The following DNAJC1 variants were observed in gnomAD, a reference collection of about 807,000 sequenced individuals.
DNAJC1 encodes dnaJ homolog subfamily C member 1.
A neutral mutation model predicts 76.6 loss-of-function variants in DNAJC1; 58 were observed. That is an observed-to-expected ratio of 0.76 (90% CI 0.61 to 0.94). The LOEUF is 0.94. DNAJC1 is among the 40% of genes least tolerant of loss of function. The pLI, the probability that DNAJC1 is intolerant of heterozygous loss-of-function variation, is 0.00. For synonymous variants in DNAJC1, 258 were observed against 267.9 expected, an observed-to-expected ratio of 0.96 and a Z score of 0.36; for missense variants, 689 against 677.3, an observed-to-expected ratio of 1.02 and a Z score of -0.19.
At chr10:21,935,100 A>C (rs1351388021) in intron 1 of DNAJC1, among the ~76,000 whole-genome samples, 1 of 152,192 alleles carries the variant, frequency 6.6e-6, no homozygotes, top group Non-Finnish European at 1.5e-5. Flanking sequence ...GCATGGAAAG[A>C]AACAGGAAAG....
intron 1 of DNAJC1, among the ~76,000 whole-genome samples, chr10:21,954,830 A>C (rs1189286687): frequency 2.0e-5 from 3 of 152,200 alleles, no homozygotes; most frequent in Non-Finnish European, 4.4e-5. Context: ...ATAATGAGGA[A>C]ACTGGGCACA....
rs146487468 is a variant in DNAJC1 at position 21,923,592 on chromosome 10, T to C, written c.372-2629A>G. The stretch of plus-strand genomic sequence containing the variant: ...TAAGATATAAAGAAAGAAATCTCTA[T>C]GATAAAAAATATCACTAATGCTAAA... On this transcript the variant is annotated intron_variant, in intron 3 of 11. Transcript: ENST00000376980. 4.6e-5 allele frequency among the ~76,000 whole-genome samples: 7 copies of C among 152,058 alleles called. No individual in the cohort carries two copies. In the East Asian group the frequency reaches 1.4e-3, roughly 29 times the overall value.
intron 9 of DNAJC1, among the ~76,000 whole-genome samples, chr10:21,778,712 C>G (rs557654176): frequency 1.3e-5 from 2 of 152,138 alleles, no homozygotes. Flanking sequence ...ATTGAGATAC[C>G]AGGTTCATCT....
intron 8 of DNAJC1, among the ~76,000 whole-genome samples, chr10:21,837,989 C>T (rs542012979): frequency 0.019 from 2,320 of 123,626 alleles, 31 homozygotes; most frequent in African/African-American, 0.05. Flanking sequence ...CCCGGCCAGC[C>T]GCCCCGGCTG....
chr10:21,976,518 T>C (rs1838065401), intron 1 of DNAJC1, among the ~76,000 whole-genome samples: 1 of 152,192 alleles, frequency 6.6e-6, no homozygotes, highest in Admixed American at 6.5e-5. Context: ...TTCTGGCCAG[T>C]TATTTGTCAC....
chr10:21,968,147 T>C (rs1368048426), intron 1 of DNAJC1, among the ~76,000 whole-genome samples: 1 of 152,226 alleles, frequency 6.6e-6, no homozygotes, highest in African/African-American at 2.4e-5. Context: ...TTTACATTTA[T>C]CAGTATCTTT....
intron 8 of DNAJC1, among the ~76,000 whole-genome samples, chr10:21,864,549 G>C (rs1030408660): frequency 4.6e-5 from 7 of 151,950 alleles, no homozygotes; most frequent in Admixed American, 2.0e-4. Flanking sequence ...TTGAACCCGG[G>C]GGGTGGAGGT....
intron 9 of DNAJC1, among the ~76,000 whole-genome samples, chr10:21,773,265 T>C (rs116823410): frequency 0.028 from 4,330 of 152,314 alleles, 95 homozygotes; most frequent in Middle Eastern, 0.065. Context: ...TAGGCATTTA[T>C]AGCTACAAAT....
At chr10:21,971,448 GT>G (rs1174714401) in intron 1 of DNAJC1, among the ~76,000 whole-genome samples, 1 of 151,684 alleles carries the variant, frequency 6.6e-6, no homozygotes, top group African/African-American at 2.4e-5. Flanking sequence ...CTTAAGAGAA[GT>G]TTTAAGTCCT....
At chr10:21,998,867 T>G (rs80197168) in intron 1 of DNAJC1, among the ~76,000 whole-genome samples, 1 of 152,230 alleles carries the variant, frequency 6.6e-6, no homozygotes, top group African/African-American at 2.4e-5. Flanking sequence ...ATGTTTATAA[T>G]GTTTGATTCA....
At chr10:21,932,178 A>C (rs1390360175) in intron 1 of DNAJC1, among the ~76,000 whole-genome samples, 1 of 151,946 alleles carries the variant, frequency 6.6e-6, no homozygotes, top group Non-Finnish European at 1.5e-5. Flanking sequence ...CTGTGCAAAA[A>C]AAAATTGTTT....
intron 1 of DNAJC1, among the ~76,000 whole-genome samples, chr10:21,982,095 TC>T (rs1411749564): frequency 6.6e-6 from 1 of 152,182 alleles, no homozygotes; most frequent in Admixed American, 6.5e-5. Context: ...GCTATAAATC[TC>T]CACTTTCCAT....
At chr10:21,763,715 C>T (rs1018218879) in intron 10 of DNAJC1, among the ~76,000 whole-genome samples, 2 of 152,022 alleles carry the variant, frequency 1.3e-5, no homozygotes, top group Non-Finnish European at 2.9e-5. Context: ...GGAAATATTC[C>T]CATGGTTGCC....
At chr10:21,793,772 G>A (rs957636708) in intron 9 of DNAJC1, among the ~76,000 whole-genome samples, 1 of 151,860 alleles carries the variant, frequency 6.6e-6, no homozygotes, top group African/African-American at 2.4e-5. Flanking sequence ...ACATAGTGAG[G>A]CCCTGTCTTT....
intron 8 of DNAJC1, among the ~76,000 whole-genome samples, chr10:21,833,927 G>T (rs1015930169): frequency 6.6e-6 from 1 of 152,140 alleles, no homozygotes; most frequent in Non-Finnish European, 1.5e-5. Context: ...ACAGGGGAAA[G>T]ATCACTGTAG....
chr10:21,779,064 G>A (rs1564785426), intron 9 of DNAJC1, among the ~76,000 whole-genome samples: 1 of 152,248 alleles, frequency 6.6e-6, no homozygotes, highest in Non-Finnish European at 1.5e-5. Flanking sequence ...GCCTGCCATT[G>A]CTGAGGCTTG....
At chr10:21,861,868 C>G (rs1163972653) in intron 8 of DNAJC1, among the ~76,000 whole-genome samples, 1 of 152,050 alleles carries the variant, frequency 6.6e-6, no homozygotes, top group Non-Finnish European at 1.5e-5. Flanking sequence ...TGGGGCTGCT[C>G]GATCTGGAGT....
chr10:21,903,465 T>C (rs1244223183), intron 7 of DNAJC1, among the ~76,000 whole-genome samples: 1 of 152,220 alleles, frequency 6.6e-6, no homozygotes, highest in Non-Finnish European at 1.5e-5. Context: ...CTGAATATTA[T>C]TTTGTATTTG....
chr10:21,918,642 T>G, intron 6 of DNAJC1, 137 bp downstream of exon 6: 3 of 599,792 alleles, frequency 5.0e-6, no homozygotes. Flanking sequence ...TAGGTTTAAC[T>G]TATAAAAATC....
Sources: gnomAD v4.1 joint callset for allele counts (sites outside exome capture counted in the v4.1 genomes callset) on GRCh38, gnomAD v4.1.1 for gene constraint, MANE v1.5 for transcripts, NCBI Gene and HGNC (gene_info 2026-07-23, HGNC 2026-07-21) for gene names.